The following DNTT variants were observed in gnomAD, a reference collection of about 807,000 sequenced individuals.
The protein encoded by DNTT is nucleosidetriphosphate:DNA deoxynucleotidylexotransferase.
Under a neutral mutation model 60.9 loss-of-function variants are expected in DNTT, and 47 were observed. That is an observed-to-expected ratio of 0.77 (90% CI 0.61 to 0.98). The LOEUF (loss-of-function observed/expected upper bound fraction) is 0.98, where lower values mean the gene tolerates loss of function less well. DNTT is among the 50% of genes least tolerant of loss of function. The pLI is 0.00. For synonymous variants in DNTT, 224 were observed against 221.2 expected, an observed-to-expected ratio of 1.01 and a Z score of -0.11; for missense variants, 665 against 627.5, an observed-to-expected ratio of 1.06 and a Z score of -0.64.
rs758325387 is a variant in DNTT at position 96,304,717 on chromosome 10, C to G, written c.203+17C>G. On this transcript the variant is annotated intron_variant, in intron 1 of 10. Coordinates refer to ENST00000371174, the MANE Select transcript of DNTT (RefSeq NM_004088.4). ...TGAGCTCAGGTAGGACAGCATCGAT[C>G]TTGCTTTGTAAATAAGCAGAGGCTT... is the stretch of plus-strand genomic sequence containing the variant. 1 of 1,609,760 alleles carries G rather than the reference C, an allele frequency of 6.2e-7. No homozygotes were observed. The highest frequency in any genetic ancestry group is 1.7e-5 in the Admixed American group (1 of 59,710).
At chr10:96,320,931 C>T (rs2133988958) in intron 4 of DNTT, 143 bp downstream of exon 4, 2 of 760,784 alleles carry the variant, frequency 2.6e-6, no homozygotes, top group Middle Eastern at 7.3e-4. Flanking sequence ...TCCTCTCTCT[C>T]TCCTCTGTCT....
chr10:96,316,856 T>C lies in DNTT; in HGVS notation c.204-1496T>C, dbSNP rs149641995. Reference sequence around the variant, plus strand: ...AACATACTAGTGTCTAGTAACTTCCTTTTTCTTCTTTGGTACCCAACCTCC... The same window carrying C: ...AACATACTAGTGTCTAGTAACTTCCCTTTTCTTCTTTGGTACCCAACCTCC... On this transcript the variant is annotated intron_variant, in intron 1 of 10. Transcript: ENST00000371174. Among the ~76,000 whole-genome samples the C allele has an allele frequency of 2.8e-3, 423 of 152,310 alleles. 2 individuals are homozygous for C. The highest frequency in any genetic ancestry group is 4.5e-3 in the Non-Finnish European group (303 of 68,044).
In DNTT at chr10:96,332,497, C is replaced by G. The variant is rs1845018853; in HGVS notation, c.1260C>G (p.Ser420Arg). ...AAAGAGTGGACAGTGACCAGTCCAGCTGGCAGGAAGGAAAGACCTGGAAGG... is the reference window on the plus strand; with the variant it reads ...AAAGAGTGGACAGTGACCAGTCCAGGTGGCAGGAAGGAAAGACCTGGAAGG... Reference protein sequence around the residue: ...PRQRVDSDQSSWQEGKTWKAI... With the variant: ...PRQRVDSDQSRWQEGKTWKAI... Residue 420 changes from serine (S) to arginine (R), a missense_variant, in exon 9 of 11, where the codon AGC (serine) becomes AGG (arginine). Physicochemically the swap from Ser to Arg is moderately radical, Grantham distance 110 (BLOSUM62 -1). Coordinates refer to ENST00000371174, the MANE Select transcript of DNTT (RefSeq NM_004088.4). The G allele has an allele frequency of 1.2e-6, 2 of 1,614,078 alleles. No homozygotes were observed. The highest frequency in any genetic ancestry group is 1.3e-5 in the African/African-American group (1 of 74,926).
intron 5 of DNTT, 72 bp downstream of exon 5, chr10:96,322,800 AT>A: frequency 7.8e-7 from 1 of 1,280,322 alleles, no homozygotes; most frequent in South Asian, 1.6e-5. Flanking sequence ...GGCTGGTTGT[AT>A]TAGTCAGCTT....
chr10:96,309,224 T>G (rs1844680134), intron 1 of DNTT, among the ~76,000 whole-genome samples: 1 of 152,194 alleles, frequency 6.6e-6, no homozygotes, highest in Admixed American at 6.5e-5. Flanking sequence ...AGGATGCCAC[T>G]GGAAGGCATT....
At position 96,332,432 on chromosome 10, in the gene DNTT, C is replaced by A; in HGVS notation, c.1195C>A (p.His399Asn). Residue 399 changes from histidine (H) to asparagine (N), a missense_variant, in exon 9 of 11, where the codon CAT (histidine) becomes AAT (asparagine). Coordinates refer to ENST00000371174, the MANE Select transcript of DNTT (RefSeq NM_004088.4). ...LPSRKVDALD[H>N]FQKCFLIFKL... ...TAGCAGGAAGGTTGATGCTTTGGAT[C>A]ATTTTCAAAAGTGCTTTCTGATTTT... The A allele has an allele frequency of 6.2e-7, 1 of 1,614,164 alleles. No homozygotes were observed. The highest frequency in any genetic ancestry group is 1.1e-5 in the South Asian group (1 of 91,076).
chr10:96,332,657 A>T (rs1589377159), intron 9 of DNTT, 61 bp downstream of exon 9: 91 of 1,582,840 alleles, frequency 5.7e-5, no homozygotes, highest in Non-Finnish European at 7.8e-5. Context: ...GGCCGAGTCT[A>T]CCTGGGCCCA....
chr10:96,334,000 A>T (rs2146394), intron 9 of DNTT, among the ~76,000 whole-genome samples: 113,651 of 152,182 alleles, frequency 0.75, 45,421 homozygotes, highest in East Asian at 0.92. Flanking sequence ...AAATGGTAGA[A>T]GTTTGAGGTG....
chr10:96,307,343 G>GTTGTTTTTTTTTTTTTTTTTTTTTT (rs1844650391), intron 1 of DNTT, among the ~76,000 whole-genome samples: 1 of 67,606 alleles, frequency 1.5e-5, no homozygotes, highest in African/African-American at 6.4e-5. Context: ...GGGTTTTCCA[G>GTTGTTTTTTTTTTTTTTTTTTTTTT]TTTTTTTTTT....
chr10:96,318,621 T>G, intron 2 of DNTT, 95 bp downstream of exon 2: 5 of 1,454,598 alleles, frequency 3.4e-6, no homozygotes, highest in Non-Finnish European at 3.7e-6. Flanking sequence ...CTAAATTCTC[T>G]GCTTACTACC....
chr10:96,312,709 A>C (rs1844735198), intron 1 of DNTT, among the ~76,000 whole-genome samples: 1 of 152,258 alleles, frequency 6.6e-6, no homozygotes, highest in South Asian at 2.1e-4. Context: ...TAACGAAAAC[A>C]GACTGACTAT....
At chr10:96,324,180 A>G in intron 5 of DNTT, 86 bp from the exon 6 acceptor site, 1 of 1,460,194 alleles carries the variant, frequency 6.8e-7, no homozygotes, top group Non-Finnish European at 9.1e-7. Flanking sequence ...CTTTTTCTTC[A>G]TTGCCTGAGA....
chr10:96,327,750 C>G (rs1218249750), intron 7 of DNTT, 150 bp downstream of exon 7: 2 of 1,310,924 alleles, frequency 1.5e-6, no homozygotes, highest in Non-Finnish European at 2.1e-6. Context: ...TTCATTTCAG[C>G]AACCCCAAAT....
chr10:96,309,354 T>C (rs998145214), intron 1 of DNTT, among the ~76,000 whole-genome samples: 2 of 152,144 alleles, frequency 1.3e-5, no homozygotes, highest in African/African-American at 4.8e-5. Flanking sequence ...ACATGAGTCC[T>C]GCAAACAAGG....
At position 96,324,393 on chromosome 10, in the gene DNTT, A is replaced by C. The variant is rs1564872930; in HGVS notation, c.874+4A>C. ...TTTACACGAATGCAGAAAGCAGGTA[A>C]ATTGTCTCTCCTAAAAGTCATTGTT... On this transcript the variant is annotated splice_donor_region_variant and intron_variant, in intron 6 of 10. Transcript: ENST00000371174. 6.2e-7 allele frequency: 1 copy of C among 1,613,624 alleles called. No homozygotes were observed. Among genetic ancestry groups the C allele is most frequent in the Non-Finnish European group, 8.5e-7 (1 of 1,179,688 alleles).
rs1345331275 is a variant in DNTT at position 96,324,367 on chromosome 10, A to AT, written c.855dup (p.Thr286TyrfsTer12). On this transcript the variant is annotated frameshift_variant, in exon 6 of 11. Transcript: ENST00000371174. LOFTEE classifies it high-confidence loss of function. ...AAGTAAGGTCGGACAAAAGCCTGAAATTTACACGAATGCAGAAAGCAGGTA... is the reference window on the plus strand; with the variant it reads ...AAGTAAGGTCGGACAAAAGCCTGAAATTTTACACGAATGCAGAAAGCAGGTA... 6.2e-7 allele frequency: 1 copy of AT among 1,613,856 alleles called. No individual in the cohort carries two copies. The highest frequency in any genetic ancestry group is 1.7e-5 in the Admixed American group (1 of 60,020).
chr10:96,307,776 TA>T lies in DNTT; in HGVS notation c.203+3077del, dbSNP rs200464783. ...GTGTGTGCATATATATATATATATA[TA>T]TTTTTTTTTTTTGAGGCAGGGTCTT... is the stretch of plus-strand genomic sequence containing the variant. On this transcript the variant is annotated intron_variant, in intron 1 of 10. Coordinates refer to ENST00000371174, the MANE Select transcript of DNTT (RefSeq NM_004088.4). Among the ~76,000 whole-genome samples, 200 of 46,338 alleles carry T rather than the reference TA, an allele frequency of 4.3e-3. 11 individuals carry two copies. The highest frequency in any genetic ancestry group is 0.024 in the South Asian group (27 of 1,108). 30.4% of individuals were successfully genotyped at this position (46,338 alleles called of 152,430 possible).
intron 4 of DNTT, among the ~76,000 whole-genome samples, chr10:96,321,580 C>A (rs1267900111): frequency 6.6e-5 from 10 of 152,260 alleles, no homozygotes; most frequent in Non-Finnish European, 1.2e-4. Flanking sequence ...TGCTGATTAC[C>A]AATTTCAAGT....
chr10:96,313,893 A>C (rs1844751684), intron 1 of DNTT, among the ~76,000 whole-genome samples: 1 of 152,148 alleles, frequency 6.6e-6, no homozygotes, highest in Non-Finnish European at 1.5e-5. Flanking sequence ...CAGAATTTGG[A>C]CGATGAGTCC....
Sources: gnomAD v4.1 joint callset for allele counts (sites outside exome capture counted in the v4.1 genomes callset) on GRCh38, gnomAD v4.1.1 for gene constraint, MANE v1.5 for transcripts, NCBI Gene and HGNC (gene_info 2026-07-23, HGNC 2026-07-21) for gene names.